Variants in PEX14 observed in about 807,000 individuals in gnomAD.
PEX14 encodes peroxisomal membrane protein PEX14.
A neutral mutation model predicts 49.5 loss-of-function variants in PEX14; 15 were observed. The observed-to-expected ratio is 0.30, with a 90% confidence interval of 0.20 to 0.47. PEX14 has a LOEUF of 0.47. Ranked by LOEUF, PEX14 falls within the 20% of genes least tolerant of loss-of-function variation. The pLI, the probability that PEX14 is intolerant of heterozygous loss-of-function variation, is 1.00. For missense variants in PEX14, 398 were observed against 494.8 expected, an observed-to-expected ratio of 0.80 and a Z score of 1.86; for synonymous variants, 210 against 212.7, an observed-to-expected ratio of 0.99 and a Z score of 0.11.
At chr1:10,567,393 T>C (rs1283308476) in intron 3 of PEX14, among the ~76,000 whole-genome samples, 1 of 152,270 alleles carries the variant, frequency 6.6e-6, no homozygotes, top group Non-Finnish European at 1.5e-5. Context: ...TTATTATCTG[T>C]TAAAATTAAT....
intron 3 of PEX14, among the ~76,000 whole-genome samples, chr1:10,557,836 T>C (rs1417158638): frequency 4.9e-4 from 10 of 20,614 alleles, no homozygotes; most frequent in African/African-American, 1.1e-3. Flanking sequence ...TTGCCTACCT[T>C]TTTTTTTTTT....
chr1:10,582,627 G>C (rs777668801), intron 3 of PEX14, among the ~76,000 whole-genome samples: 76 of 152,310 alleles, frequency 5.0e-4, no homozygotes, highest in Admixed American at 1.2e-3. Context: ...GTGGAAGACT[G>C]ATGCCTGACT....
At chr1:10,582,829 A>G (rs1385718168) in intron 3 of PEX14, among the ~76,000 whole-genome samples, 1 of 151,848 alleles carries the variant, frequency 6.6e-6, no homozygotes, top group Non-Finnish European at 1.5e-5. Flanking sequence ...CGCCTCCCGG[A>G]TTCAATCAAT....
intron 4 of PEX14, among the ~76,000 whole-genome samples, chr1:10,600,484 A>G (rs1235866016): frequency 2.0e-5 from 3 of 152,116 alleles, no homozygotes; most frequent in African/African-American, 4.8e-5. Context: ...TGAGAGGCCA[A>G]GGCAGGCGGA....
intron 4 of PEX14, among the ~76,000 whole-genome samples, chr1:10,614,845 T>C (rs1641367740): frequency 6.6e-6 from 1 of 152,174 alleles, no homozygotes; most frequent in South Asian, 2.1e-4. Flanking sequence ...GTCTTCACTT[T>C]TTCCTCCTGA....
At chr1:10,542,242 T>G (rs916944417) in intron 3 of PEX14, among the ~76,000 whole-genome samples, 3 of 152,186 alleles carry the variant, frequency 2.0e-5, no homozygotes, top group Non-Finnish European at 1.5e-5. Context: ...TACAGTTTCT[T>G]ATGTATCATT....
intron 1 of PEX14, among the ~76,000 whole-genome samples, chr1:10,477,715 A>G (rs1017275451): frequency 2.0e-5 from 3 of 152,102 alleles, no homozygotes; most frequent in African/African-American, 4.8e-5. Context: ...GGTTACAAGT[A>G]TAGGCTCTAA....
chr1:10,599,153 A>G, intron 3 of PEX14, 85 bp from the exon 4 acceptor site: 2 of 1,390,248 alleles, frequency 1.4e-6, no homozygotes, highest in Non-Finnish European at 2.0e-6. Flanking sequence ...TGTGGCTGTA[A>G]AGGTCTTTGC....
At chr1:10,582,416 A>G (rs1338488534) in intron 3 of PEX14, among the ~76,000 whole-genome samples, 1 of 152,224 alleles carries the variant, frequency 6.6e-6, no homozygotes, top group African/African-American at 2.4e-5. Context: ...TCAGAAAACC[A>G]TATAAGATAA....
At chr1:10,510,852 G>C (rs1201069404) in intron 2 of PEX14, among the ~76,000 whole-genome samples, 2 of 152,142 alleles carry the variant, frequency 1.3e-5, no homozygotes, top group African/African-American at 4.8e-5. Context: ...GATGTTCAGT[G>C]GATGACTGCT....
At chr1:10,598,476 C>A (rs900327711) in intron 3 of PEX14, among the ~76,000 whole-genome samples, 1 of 152,198 alleles carries the variant, frequency 6.6e-6, no homozygotes, top group Non-Finnish European at 1.5e-5. Flanking sequence ...GTGGGCAAAT[C>A]CTCTCCACAT....
chr1:10,594,853 AAT>A (rs1263785880), intron 3 of PEX14, among the ~76,000 whole-genome samples: 6 of 152,186 alleles, frequency 3.9e-5, no homozygotes, highest in African/African-American at 1.4e-4. Context: ...TCACAGAGTC[AAT>A]CAGTTTGGTT....
Position 10,540,973 on chromosome 1 carries a change from A to G in PEX14, c.169+4676A>G, listed in dbSNP as rs1042547225. On this transcript the variant is annotated intron_variant, in intron 3 of 8. Transcript: ENST00000356607. ...TCATTGAAGCCAGTATATCCTGGAC[A>G]TTTTTTAAAGAGGTCCCCATTCTGA... 9.2e-5 allele frequency among the ~76,000 whole-genome samples: 14 copies of G among 152,300 alleles called. No individual in the cohort carries two copies. The South Asian group carries it at 1.0e-3, about 11-fold the overall frequency.
intron 2 of PEX14, among the ~76,000 whole-genome samples, chr1:10,530,437 C>T (rs1638613510): frequency 6.6e-6 from 1 of 152,248 alleles, no homozygotes; most frequent in Non-Finnish European, 1.5e-5. Flanking sequence ...CCTGCGCCTC[C>T]GCCGGCTCCG....
At chr1:10,611,969 A>T (rs1641288896) in intron 4 of PEX14, among the ~76,000 whole-genome samples, 1 of 152,182 alleles carries the variant, frequency 6.6e-6, no homozygotes, top group South Asian at 2.1e-4. Flanking sequence ...TGCCTTTTGA[A>T]AAGCAAAAGC....
chr1:10,536,675 G>A (rs1384457093), intron 3 of PEX14: 1 of 246,784 alleles, frequency 4.1e-6, no homozygotes, highest in Admixed American at 4.8e-5. Flanking sequence ...CTTCAATAGA[G>A]AATGAGGGAG....
In PEX14 at chr1:10,613,638, G is replaced by A. The variant is rs918699542; in HGVS notation, c.299-4694G>A. Among the ~76,000 whole-genome samples the A allele has an allele frequency of 5.9e-5, 9 of 152,194 alleles. No individual in the cohort carries two copies. The South Asian group carries it at 6.2e-4, about 11-fold the overall frequency. The stretch of plus-strand genomic sequence containing the variant: ...GGAACCCCTGCCACGCAGCTAGGGC[G>A]CCGGTCCTTAGACAGCTGGGCTCTG... On this transcript the variant is annotated intron_variant, in intron 4 of 8. Coordinates refer to ENST00000356607, the MANE Select transcript of PEX14 (RefSeq NM_004565.3). This position sits in a 1 kb window ranked among gnomAD's most constrained non-coding sequence, Gnocchi z 5.0.
At chr1:10,616,376 G>T (rs1338574998) in intron 4 of PEX14, among the ~76,000 whole-genome samples, 2 of 152,206 alleles carry the variant, frequency 1.3e-5, no homozygotes, top group Non-Finnish European at 2.9e-5. Context: ...TACAGGCACA[G>T]GTGAGAACTG....
intron 3 of PEX14, among the ~76,000 whole-genome samples, chr1:10,572,472 AG>A (rs1476046285): frequency 6.6e-6 from 1 of 152,216 alleles, no homozygotes; most frequent in Non-Finnish European, 1.5e-5. Flanking sequence ...AAGAAGGCAA[AG>A]GGACAAGCCA....
Sources: gnomAD v4.1 joint callset for allele counts (sites outside exome capture counted in the v4.1 genomes callset) on GRCh38, gnomAD v4.1.1 for gene constraint, Gnocchi (gnomAD v3.1) non-coding constraint, MANE v1.5 for transcripts, NCBI Gene and HGNC (gene_info 2026-07-23, HGNC 2026-07-21) for gene names.